The following MROH9 variants were observed in gnomAD, a reference collection of about 807,000 sequenced individuals.
MROH9 encodes maestro heat-like repeat-containing protein family member 9.
Under a neutral mutation model 98.2 loss-of-function variants are expected in MROH9, and 92 were observed. That is an observed-to-expected ratio of 0.94 (90% confidence interval 0.79 to 1.11). The LOEUF is 1.11. Among genes scored for constraint, MROH9 ranks in the 50% most tolerant of loss-of-function variants. The pLI is 0.00. For synonymous variants in MROH9, 397 were observed against 368.9 expected, an observed-to-expected ratio of 1.08 and a Z score of -0.87; for missense variants, 1,057 against 1,014.8, an observed-to-expected ratio of 1.04 and a Z score of -0.57.
chr1:170,947,377 A>G, intron 2 of MROH9, 150 bp from the exon 3 acceptor site: 1 of 608,960 alleles, frequency 1.6e-6, no homozygotes, highest in South Asian at 2.2e-5. Flanking sequence ...CTCACAGTAA[A>G]TTTGTCTATA....
At chr1:170,992,401 A>G in intron 12 of MROH9, 72 bp downstream of exon 12, 1 of 1,469,102 alleles carries the variant, frequency 6.8e-7, no homozygotes, top group Non-Finnish European at 9.3e-7. Flanking sequence ...ATCTGCCCAC[A>G]GACTCAATCA....
Position 170,996,569 on chromosome 1 carries a change from C to T in MROH9, c.1400C>T (p.Thr467Ile). The T allele has an allele frequency of 4.3e-6, 7 of 1,613,580 alleles. No individual in the cohort carries two copies. The highest frequency in any genetic ancestry group is 5.9e-6 in the Non-Finnish European group (7 of 1,179,658). ...NCSGLQQVDI[T>I]LMKENFWDQL... Reference sequence around the variant, plus strand: ...TCTGGACTGCAACAGGTGGATATTACTCTAATGAAGGAGAATTTCTGGGAC... The same window carrying T: ...TCTGGACTGCAACAGGTGGATATTATTCTAATGAAGGAGAATTTCTGGGAC... The change falls in exon 14 of 22, where the codon ACT becomes ATT. Residue 467 changes from threonine (T) to isoleucine (I), a missense_variant. By Grantham distance (89) the Thr-to-Ile change is moderately conservative. Transcript: ENST00000367759.
At chr1:171,058,671 A>G (rs768951872) in intron 20 of MROH9, among the ~76,000 whole-genome samples, 1 of 152,202 alleles carries the variant, frequency 6.6e-6, no homozygotes, top group Non-Finnish European at 1.5e-5. Flanking sequence ...AACAGAAAAG[A>G]GACCTCAGAA....
intron 7 of MROH9, among the ~76,000 whole-genome samples, chr1:170,966,983 AT>A (rs1650258445): frequency 6.6e-6 from 1 of 152,134 alleles, no homozygotes; most frequent in Non-Finnish European, 1.5e-5. Flanking sequence ...CATTTGATAT[AT>A]TCTAGTGAGT....
chr1:170,996,878 T>C lies in MROH9; in HGVS notation c.1475+234T>C, dbSNP rs545603166. 1.8e-4 allele frequency among the ~76,000 whole-genome samples: 28 copies of C among 152,162 alleles called. No individual in the cohort carries two copies. The South Asian group carries it at 5.8e-3, about 32-fold the overall frequency. Reference sequence around the variant, plus strand: ...TGATAACATAGATGCCCAATTATCCTCCCTCCACAGAACAGGTTTCTTTTC... The same window carrying C: ...TGATAACATAGATGCCCAATTATCCCCCCTCCACAGAACAGGTTTCTTTTC... On this transcript the variant is annotated intron_variant, in intron 14 of 21. Coordinates refer to ENST00000367759, the MANE Select transcript of MROH9 (RefSeq NM_001163629.2).
At chr1:171,026,616 G>A (rs1362256404) in intron 20 of MROH9, among the ~76,000 whole-genome samples, 2 of 152,070 alleles carry the variant, frequency 1.3e-5, no homozygotes, top group Non-Finnish European at 2.9e-5. Context: ...CTGCTATCCT[G>A]AATTCTACCT....
chr1:170,967,694 G>A (rs142410606), intron 7 of MROH9, among the ~76,000 whole-genome samples: 17 of 152,262 alleles, frequency 1.1e-4, no homozygotes, highest in African/African-American at 3.4e-4. Context: ...TTTTTAAAGT[G>A]ATGATTTGTC....
At chr1:171,024,151 G>A (rs1013944980) in intron 17 of MROH9, among the ~76,000 whole-genome samples, 2 of 151,858 alleles carry the variant, frequency 1.3e-5, no homozygotes, top group African/African-American at 4.8e-5. Context: ...TCCATATCTT[G>A]GCTATTGTGA....
chr1:171,050,150 G>C (rs1653619144), intron 20 of MROH9, among the ~76,000 whole-genome samples: 1 of 152,090 alleles, frequency 6.6e-6, no homozygotes, highest in Admixed American at 6.5e-5. Flanking sequence ...AGTTCCATTT[G>C]TCTGCTTTTG....
At chr1:171,051,670 C>T (rs1653669015) in intron 20 of MROH9, among the ~76,000 whole-genome samples, 1 of 152,244 alleles carries the variant, frequency 6.6e-6, no homozygotes, top group Admixed American at 6.5e-5. Context: ...TTGATAGGTG[C>T]AGCAAACCAC....
At position 171,044,972 on chromosome 1, in the gene MROH9, C is replaced by CTTTTTTTTTT. The variant is rs754332732; in HGVS notation, c.2282-17122_2282-17113dup. Among the ~76,000 whole-genome samples, 378 of 45,698 alleles carry CTTTTTTTTTT rather than the reference C, an allele frequency of 8.3e-3. 74 individuals are homozygous for CTTTTTTTTTT. The highest frequency in any genetic ancestry group is 0.012 in the Non-Finnish European group (269 of 22,260). 30.0% of individuals were successfully genotyped at this position (45,698 alleles called of 152,430 possible). ...CAATTCCATTTATTTCTGCTCTGAT[C>CTTTTTTTTTT]TTTTTTTTTTTTTTTTTTTTTTTTT... On this transcript the variant is annotated intron_variant, in intron 20 of 21. Coordinates refer to ENST00000367759, the MANE Select transcript of MROH9 (RefSeq NM_001163629.2).
At chr1:171,039,200 G>A (rs964310834) in intron 20 of MROH9, among the ~76,000 whole-genome samples, 9 of 152,258 alleles carry the variant, frequency 5.9e-5, no homozygotes, top group South Asian at 2.1e-4. Flanking sequence ...AACAGTTTCC[G>A]TAGAGCCATT....
intron 15 of MROH9, among the ~76,000 whole-genome samples, chr1:171,004,728 G>A (rs1012087132): frequency 2.6e-5 from 4 of 152,108 alleles, no homozygotes; most frequent in African/African-American, 9.7e-5. Flanking sequence ...TCTGCATGCT[G>A]TTCTGTCTGG....
intron 3 of MROH9, among the ~76,000 whole-genome samples, chr1:170,954,943 T>A (rs1422848443): frequency 6.6e-6 from 1 of 151,938 alleles, no homozygotes; most frequent in African/African-American, 2.4e-5. Flanking sequence ...AACATATTTA[T>A]AGCCTTTATC....
At chr1:170,962,842 G>A (rs1650069251) in intron 6 of MROH9, among the ~76,000 whole-genome samples, 1 of 151,928 alleles carries the variant, frequency 6.6e-6, no homozygotes, top group Admixed American at 6.6e-5. Flanking sequence ...ATGGATTAAA[G>A]ACTTAAATGT....
rs571992301 is a variant in MROH9, at chr1:171,002,072, G to T, written c.1596+3798G>T. Among the ~76,000 whole-genome samples, 8 of 151,642 alleles carry T rather than the reference G, an allele frequency of 5.3e-5. No individual in the cohort carries two copies. In the South Asian group the frequency reaches 1.3e-3, roughly 24 times the overall value. ...TAAGAATAGCTACTCCTGCTCACTT[G>T]CAGTGTTCATTTGCATGAAATCCCT... On this transcript the variant is annotated intron_variant, in intron 15 of 21. Transcript: ENST00000367759.
chr1:170,978,222 C>T lies in MROH9; in HGVS notation c.617-5200C>T, dbSNP rs116660297. On this transcript the variant is annotated intron_variant, in intron 8 of 21. Coordinates refer to ENST00000367759, the MANE Select transcript of MROH9 (RefSeq NM_001163629.2). ...TTGTTGGAGAGCAGGGGTTCAAAGGCTCTCCAGGTGGAAAGATTGGTCTCC... is the reference window on the plus strand; with the variant it reads ...TTGTTGGAGAGCAGGGGTTCAAAGGTTCTCCAGGTGGAAAGATTGGTCTCC... Among the ~76,000 whole-genome samples the T allele has an allele frequency of 5.0e-3, 756 of 152,214 alleles. 9 individuals carry two copies. The highest frequency in any genetic ancestry group is 0.017 in the African/African-American group (713 of 41,532).
intron 17 of MROH9, among the ~76,000 whole-genome samples, chr1:171,019,587 GT>G (rs1331562187): frequency 6.6e-6 from 1 of 151,148 alleles, no homozygotes; most frequent in Non-Finnish European, 1.5e-5. Context: ...GGAGGCGGAG[GT>G]TGCAGTCAGC....
intron 1 of MROH9, among the ~76,000 whole-genome samples, chr1:170,944,168 A>G (rs1649231552): frequency 6.6e-6 from 1 of 151,990 alleles, no homozygotes; most frequent in Admixed American, 6.6e-5. Context: ...GACAGAGAAG[A>G]GAAAATAGAA....
Sources: gnomAD v4.1 joint callset for allele counts (sites outside exome capture counted in the v4.1 genomes callset) on GRCh38, gnomAD v4.1.1 for gene constraint, MANE v1.5 for transcripts, NCBI Gene and HGNC (gene_info 2026-07-23, HGNC 2026-07-21) for gene names.